Variants in TMC4 observed in about 807,000 individuals in gnomAD.
The protein encoded by TMC4 is voltage-gated chloride channel TMC4.
A neutral mutation model predicts 82.0 loss-of-function variants in TMC4; 70 were observed. That is an observed-to-expected ratio of 0.85 (90% CI 0.70 to 1.04). The LOEUF (loss-of-function observed/expected upper bound fraction) is 1.04. Ranked by LOEUF, TMC4 falls within the 50% of genes least tolerant of loss-of-function variation. TMC4 has a pLI of 0.00. For missense variants in TMC4, 879 were observed against 899.0 expected (o/e 0.98, Z 0.28); for synonymous variants, 446 against 406.0 (o/e 1.10, Z -1.18).
chr19:54,161,101 GGAGA>G (rs759258924), intron 12 of TMC4, 25 bp downstream of exon 12: 1 of 1,598,404 alleles, frequency 6.3e-7, no homozygotes, highest in South Asian at 1.1e-5. Flanking sequence ...AGAGAGGGAG[GGAGA>G]GAGGCGGGAG....
In TMC4 at chr19:54,161,153, A is replaced by G. The variant is rs1426583620; in HGVS notation, c.1794T>C (p.Val598=). The G allele has an allele frequency of 3.2e-6, 5 of 1,586,534 alleles. No homozygotes were observed. The highest frequency in any genetic ancestry group is 1.7e-4 in the Middle Eastern group (1 of 5,924). Residue 598 remains valine, a synonymous_variant, in exon 12 of 15, where the codon GTT becomes GTC. Coordinates refer to ENST00000619895, the MANE Select transcript of TMC4 (RefSeq NM_144686.4). ...VLLLGLAISS[V]PLLYSIFLIP... ...ACAGGAAGATGCTGTAAAGCAGGGG[A>G]ACGCTGGAGATGGCCAGACCCAGGA... is the stretch of plus-strand genomic sequence containing the variant.
At position 54,164,552 on chromosome 19, in the gene TMC4, A is replaced by G. The variant is rs2075652677; in HGVS notation, c.995T>C (p.Leu332Pro). The change falls in exon 7 of 15, where the codon CTG becomes CCG. Residue 332 changes from leucine (L) to proline (P), a missense_variant. Physicochemically the swap from Leu to Pro is moderately conservative, Grantham distance 98. Coordinates refer to ENST00000619895, the MANE Select transcript of TMC4 (RefSeq NM_144686.4). ...VVRRQAAVRT[L>P]GQQARVWLVR... ...CAACCAAACCCTGGCTTGCTGGCCC[A>G]GCGTCCGCACCGCAGCCTGGCGCCG... 6.2e-7 allele frequency: 1 copy of G among 1,613,812 alleles called. No homozygotes were observed. Among genetic ancestry groups the G allele is most frequent in the Non-Finnish European group, 8.5e-7 (1 of 1,179,980 alleles).
rs1046543259 is a variant in TMC4, at chr19:54,168,195, A to G, written c.773T>C (p.Ile258Thr). 56 of 1,603,564 alleles carry G rather than the reference A, an allele frequency of 3.5e-5. No individual in the cohort carries two copies. Among genetic ancestry groups the G allele is most frequent in the Non-Finnish European group, 4.6e-5 (54 of 1,175,066 alleles). The change falls in exon 5 of 15, where the codon ATC (isoleucine) becomes ACC (threonine). Residue 258 changes from isoleucine to threonine, a missense_variant. By Grantham distance (89) the Ile-to-Thr change is moderately conservative. Transcript: ENST00000619895. ...CCGATGCAGGATGAGCAGGAGGCAG[A>G]TGAGGCCAACGGCAAAGGCCCAGCA... ...YLCWAFAVGLICLLLILHRSV... is the reference protein window; with the variant it reads ...YLCWAFAVGLTCLLLILHRSV...
chr19:54,171,084 T>C (rs1309371213), intron 2 of TMC4, among the ~76,000 whole-genome samples: 3 of 149,882 alleles, frequency 2.0e-5, no homozygotes, highest in Admixed American at 6.6e-5. Flanking sequence ...TATATATGTG[T>C]ATATATATAC....
At chr19:54,168,977 TCTC>T in intron 3 of TMC4, among the ~76,000 whole-genome samples, 1 of 26,342 alleles carries the variant, frequency 3.8e-5, no homozygotes, top group Non-Finnish European at 7.3e-5. Context: ...CTTCTTTCTC[TCTC>T]TCTCTCTCTC....
In TMC4 at chr19:54,161,261, C is replaced by T; in HGVS notation, c.1687-1G>A. On this transcript the variant is annotated splice_acceptor_variant, in intron 11 of 14. Coordinates refer to ENST00000619895, the MANE Select transcript of TMC4 (RefSeq NM_144686.4). LOFTEE classifies it high-confidence loss of function. ...GGGAGCAGGTGGAGAAGAGGGTAAG[C>T]TGGTGGGGGAAGGCACGGAGAAAAG... The T allele has an allele frequency of 6.6e-7, 1 of 1,523,178 alleles. No homozygotes were observed. Among genetic ancestry groups the T allele is most frequent in the Non-Finnish European group, 8.8e-7 (1 of 1,137,066 alleles). The allele number at this position is 1,523,178 out of a possible 1,614,324, so 94.4% of individuals were successfully genotyped here. A position where few individuals can be genotyped will look rare whatever the true frequency, so the allele number is the denominator to read the frequency against.
chr19:54,168,554 G>C lies in TMC4; in HGVS notation c.569C>G (p.Pro190Arg), dbSNP rs1013819415. The C allele has an allele frequency of 6.4e-7, 1 of 1,569,638 alleles. No individual in the cohort carries two copies. The highest frequency in any genetic ancestry group is 8.6e-7 in the Non-Finnish European group (1 of 1,158,188). The change falls in exon 4 of 15, where the codon CCA becomes CGA. Residue 190 changes from proline (P) to arginine (R), a missense_variant. Transcript: ENST00000619895. ...LLPTWLGGAPPGPPGPDISSP... is the reference protein window; with the variant it reads ...LLPTWLGGAPRGPPGPDISSP... ...GGAGATGTCGGGGCCGGGAGGGCCT[G>C]GGGGAGCGCCTCCCAACCAGGTGGG...
chr19:54,160,633 G>T, intron 13 of TMC4, 88 bp from the exon 14 acceptor site: 1 of 1,585,020 alleles, frequency 6.3e-7, no homozygotes. Flanking sequence ...GGATGTGGAC[G>T]CCTAAGCCCC....
chr19:54,168,797 CTTTTCTTTT>C lies in TMC4; in HGVS notation c.443-126_443-118del, dbSNP rs2075777741. 1.0e-3 allele frequency: 46 copies of C among 46,000 alleles called. 18 individuals are homozygous for C. Among genetic ancestry groups the C allele is most frequent in the Non-Finnish European group, 1.3e-3 (39 of 29,746 alleles). The allele number at this position is 46,000 out of a possible 1,614,324, so 2.8% of individuals were successfully genotyped here. On this transcript the variant is annotated intron_variant, in intron 3 of 14. Transcript: ENST00000619895. Reference sequence around the variant, plus strand: ...TTTCTTTCTTTCTTTTCTTTTCTTTCTTTTCTTTTCTTTTCTTTTCTTTTCTTTTCTTTT... The same window carrying C: ...TTTCTTTCTTTCTTTTCTTTTCTTTCCTTTTCTTTTCTTTTCTTTTCTTTT...
chr19:54,164,741 C>T, intron 6 of TMC4, 140 bp from the exon 7 acceptor site: 2 of 1,106,498 alleles, frequency 1.8e-6, no homozygotes, highest in South Asian at 1.5e-5. Context: ...CCTCTGCAGT[C>T]CTGGTTCCAC....
intron 10 of TMC4, 146 bp downstream of exon 10, chr19:54,162,527 G>A (rs1215554990): frequency 5.4e-6 from 4 of 746,818 alleles, no homozygotes; most frequent in Non-Finnish European, 9.0e-6. Context: ...CAAGGGCGGG[G>A]AGCGGGGAGA....
rs533404266 is a variant in TMC4 at position 54,169,646 on chromosome 19, C to A, written c.308G>T (p.Ser103Ile). ...ARRAHRQRNA[S>I]RDQVVYGSGT... is the part of the protein sequence containing the mutation. ...AGAGCCATAGACCACCTGGTCCCTG[C>A]TGGCATTTCTTTGCCTGGGAGGGAA... is the stretch of plus-strand genomic sequence containing the variant. Residue 103 changes from serine (S) to isoleucine (I), a missense_variant, in exon 3 of 15, where the codon AGC (serine) becomes ATC (isoleucine). Physicochemically the swap from Ser to Ile is moderately radical, Grantham distance 142. Coordinates refer to ENST00000619895, the MANE Select transcript of TMC4 (RefSeq NM_144686.4). 2 of 1,613,522 alleles carry A rather than the reference C, an allele frequency of 1.2e-6. No homozygotes were observed. Among genetic ancestry groups the A allele is most frequent in the Admixed American group, 1.7e-5 (1 of 59,870 alleles).
intron 1 of TMC4, 73 bp downstream of exon 1, chr19:54,172,966 C>T (rs2075947804): frequency 7.2e-7 from 1 of 1,389,982 alleles, no homozygotes. Flanking sequence ...CAGGCCTCCC[C>T]TTTCCTCCTC....
In TMC4 at chr19:54,162,709, ACAGT is replaced by A. The variant is rs758351399; in HGVS notation, c.1462_1465del (p.Thr488SerfsTer72). ...CTGGATGAGCAGCGCGACTGCCAAG[ACAGT>A]CAGCAGATCAAAGAGCAGAAGTTTG... On this transcript the variant is annotated frameshift_variant, in exon 10 of 15. Coordinates refer to ENST00000619895, the MANE Select transcript of TMC4 (RefSeq NM_144686.4). LOFTEE classifies it high-confidence loss of function. 2.1e-4 allele frequency: 338 copies of A among 1,613,944 alleles called. No individual in the cohort carries two copies. The highest frequency in any genetic ancestry group is 2.8e-4 in the Non-Finnish European group (332 of 1,179,984).
intron 6 of TMC4, among the ~76,000 whole-genome samples, chr19:54,164,940 G>C (rs1233295133): frequency 6.6e-6 from 1 of 152,054 alleles, no homozygotes; most frequent in African/African-American, 2.4e-5. Flanking sequence ...GTGGCCCTGC[G>C]CTTTATTCCT....
At chr19:54,170,887 T>C (rs1051308447) in intron 2 of TMC4, among the ~76,000 whole-genome samples, 3 of 152,094 alleles carry the variant, frequency 2.0e-5, no homozygotes, top group Non-Finnish European at 4.4e-5. Context: ...TAACTTGTAT[T>C]ATTTTTTGTC....
chr19:54,166,000 A>G (rs1198421194), intron 5 of TMC4, among the ~76,000 whole-genome samples: 3 of 152,194 alleles, frequency 2.0e-5, no homozygotes, highest in Non-Finnish European at 4.4e-5. Flanking sequence ...ACCCATAAGA[A>G]GTACAGGCAC....
At chr19:54,169,417 C>G (rs1009782082) in intron 3 of TMC4, 95 bp downstream of exon 3, 32 of 1,474,096 alleles carry the variant, frequency 2.2e-5, no homozygotes, top group Non-Finnish European at 2.9e-5. Context: ...CAAGCCCCTC[C>G]TCCCTCAAAC....
At position 54,171,883 on chromosome 19, in the gene TMC4, T is replaced by G; in HGVS notation, c.280A>C (p.Arg94=). 3 of 1,606,572 alleles carry G rather than the reference T, an allele frequency of 1.9e-6. No individual in the cohort carries two copies. Among genetic ancestry groups the G allele is most frequent in the Non-Finnish European group, 2.6e-6 (3 of 1,175,934 alleles). ...GTGGGGCCTCACCTGTGTGCCCGTCTGGCCTGCATGGGCCAGGGCAGTTCC... is the reference window on the plus strand; with the variant it reads ...GTGGGGCCTCACCTGTGTGCCCGTCGGGCCTGCATGGGCCAGGGCAGTTCC... ...SRELPWPMQA[R]RAHRQRNASR... The change falls in exon 2 of 15, where the codon AGA becomes CGA. Residue 94 remains arginine, a synonymous_variant. Coordinates refer to ENST00000619895, the MANE Select transcript of TMC4 (RefSeq NM_144686.4).
Sources: gnomAD v4.1 joint callset for allele counts (sites outside exome capture counted in the v4.1 genomes callset) on GRCh38, gnomAD v4.1.1 for gene constraint, MANE v1.5 for transcripts, NCBI Gene and HGNC (gene_info 2026-07-23, HGNC 2026-07-21) for gene names.